The following ARID4B variants were observed in gnomAD, a reference collection of about 807,000 sequenced individuals.
The protein encoded by ARID4B is AT-rich interactive domain-containing protein 4B.
In ARID4B, 26 loss-of-function variants were observed where a neutral mutation model predicts 147.5. That is an observed-to-expected ratio of 0.18 (90% confidence interval 0.13 to 0.24). ARID4B has a LOEUF of 0.24. Ranked by LOEUF, ARID4B falls within the 10% of genes least tolerant of loss-of-function variation. ARID4B has a pLI of 1.00. For synonymous variants in ARID4B, 512 were observed against 507.9 expected, an observed-to-expected ratio of 1.01 and a Z score of -0.11; for missense variants, 1,179 against 1,511.5, an observed-to-expected ratio of 0.78 and a Z score of 3.65.
chr1:235,224,647 G>A (rs181294540), intron 12 of ARID4B, 56 bp downstream of exon 12: 9 of 1,173,652 alleles, frequency 7.7e-6, no homozygotes, highest in Non-Finnish European at 1.1e-5. Flanking sequence ...TTATTTTTAA[G>A]ATACTAATTA....
chr1:235,320,515 C>A (rs192978443), intron 2 of ARID4B, among the ~76,000 whole-genome samples: 49 of 152,262 alleles, frequency 3.2e-4, no homozygotes, highest in Non-Finnish European at 6.3e-4. Context: ...CTTGTGTTCC[C>A]ATGATCTGTT....
intron 2 of ARID4B, among the ~76,000 whole-genome samples, chr1:235,310,193 AG>A (rs1249282450): frequency 6.6e-6 from 1 of 152,220 alleles, no homozygotes; most frequent in African/African-American, 2.4e-5. Flanking sequence ...ATAAAAAAAA[AG>A]AAACAGGGAA....
At chr1:235,289,522 G>A (rs903764345) in intron 2 of ARID4B, among the ~76,000 whole-genome samples, 3 of 151,924 alleles carry the variant, frequency 2.0e-5, no homozygotes, top group Non-Finnish European at 2.9e-5. Flanking sequence ...CCAGGAGTTC[G>A]AGACCAGCCT....
At chr1:235,270,971 G>A (rs1332292692) in intron 2 of ARID4B, among the ~76,000 whole-genome samples, 2 of 152,124 alleles carry the variant, frequency 1.3e-5, no homozygotes, top group Non-Finnish European at 2.9e-5. Context: ...TACTGGCATG[G>A]ATTAGAAGGC....
rs549587210 is a variant in ARID4B, at chr1:235,308,187, C to T, written c.6+18727G>A. 3.4e-5 allele frequency among the ~76,000 whole-genome samples: 5 copies of T among 147,998 alleles called. No homozygotes were observed. In the East Asian group the frequency reaches 6.0e-4, roughly 18 times the overall value. ...TGATCTCAGCTCACTGCAACCTCCG[C>T]CTCCCAGGTTCAGGCACTTCTCCTG... On this transcript the variant is annotated intron_variant, in intron 2 of 23. Coordinates refer to ENST00000264183, the MANE Select transcript of ARID4B (RefSeq NM_016374.6).
chr1:235,259,168 T>C (rs576931467), intron 3 of ARID4B, among the ~76,000 whole-genome samples: 126 of 152,314 alleles, frequency 8.3e-4, no homozygotes, highest in African/African-American at 2.9e-3. Flanking sequence ...GTGCTATCAA[T>C]AGAGGCAGTA....
At chr1:235,239,739 C>T (rs941580062) in intron 8 of ARID4B, among the ~76,000 whole-genome samples, 1 of 151,846 alleles carries the variant, frequency 6.6e-6, no homozygotes, top group Admixed American at 6.6e-5. Flanking sequence ...AAAAAGGCAA[C>T]GTGAGAAAAC....
At chr1:235,292,749 C>A (rs777380184) in intron 2 of ARID4B, among the ~76,000 whole-genome samples, 42 of 151,984 alleles carry the variant, frequency 2.8e-4, no homozygotes, top group Non-Finnish European at 4.0e-4. Flanking sequence ...ATGCATAAAA[C>A]TTGAACTTTA....
At chr1:235,232,853 T>C (rs548195247) in intron 9 of ARID4B, among the ~76,000 whole-genome samples, 1 of 152,254 alleles carries the variant, frequency 6.6e-6, no homozygotes, top group African/African-American at 2.4e-5. Flanking sequence ...TTGTTTTGTT[T>C]TGAGATGGAA....
intron 8 of ARID4B, among the ~76,000 whole-genome samples, chr1:235,236,854 A>ATT (rs1454250770): frequency 2.6e-5 from 1 of 38,010 alleles, no homozygotes; most frequent in African/African-American, 8.5e-5. Context: ...ATATATATAT[A>ATT]TATATATATT....
chr1:235,312,939 C>G (rs1024694877), intron 2 of ARID4B, among the ~76,000 whole-genome samples: 2 of 152,132 alleles, frequency 1.3e-5, no homozygotes, highest in Non-Finnish European at 2.9e-5. Flanking sequence ...CACCACTGCA[C>G]TCCAGCCTGG....
intron 6 of ARID4B, among the ~76,000 whole-genome samples, chr1:235,247,540 C>G (rs199961342): frequency 6.6e-6 from 1 of 152,072 alleles, no homozygotes; most frequent in African/African-American, 2.4e-5. Context: ...AAAAAAGGTA[C>G]TAGCCATAAA....
At chr1:235,184,554 C>T (rs898416616) in intron 19 of ARID4B, among the ~76,000 whole-genome samples, 10 of 152,146 alleles carry the variant, frequency 6.6e-5, no homozygotes, top group African/African-American at 2.2e-4. Flanking sequence ...CTGAGAAATC[C>T]ATGCATGTTC....
intron 17 of ARID4B, among the ~76,000 whole-genome samples, chr1:235,208,776 C>T (rs1474989626): frequency 1.3e-5 from 2 of 152,148 alleles, no homozygotes; most frequent in Non-Finnish European, 2.9e-5. Flanking sequence ...CTCGGCCTCC[C>T]AAAGTGCTGG....
chr1:235,303,972 T>C (rs1673368004), intron 2 of ARID4B, among the ~76,000 whole-genome samples: 1 of 152,244 alleles, frequency 6.6e-6, no homozygotes, highest in South Asian at 2.1e-4. Flanking sequence ...ATGAGTATTT[T>C]ACATGCATCA....
intron 3 of ARID4B, among the ~76,000 whole-genome samples, chr1:235,258,896 T>C (rs1670138506): frequency 6.6e-6 from 1 of 152,188 alleles, no homozygotes. Context: ...ACATAGTAAA[T>C]GTTCAACAAA....
chr1:235,206,891 T>G (rs942968326), intron 17 of ARID4B, among the ~76,000 whole-genome samples: 1 of 152,160 alleles, frequency 6.6e-6, no homozygotes, highest in Non-Finnish European at 1.5e-5. Flanking sequence ...AGCGAAGAAA[T>G]GTCACAGTAG....
chr1:235,182,557 C>G lies in ARID4B; in HGVS notation c.2362G>C (p.Val788Leu). Reference protein sequence around the residue: ...SPERLRKDIEVLSEDTDYEED... With the variant: ...SPERLRKDIELLSEDTDYEED... ...TCATAATCAGTATCTTCGGATAATA[C>G]TTCTATATCTTTCCTTAATCTTTCT... Residue 788 changes from valine to leucine, a missense_variant, in exon 20 of 24, where the codon GTA (valine) becomes CTA (leucine). Around this residue, in one of 10 missense-constraint regions of ARID4B, gnomAD observed 321 missense variants for 342.4 expected, o/e 0.94. Transcript: ENST00000264183. 2 of 1,612,190 alleles carry G rather than the reference C, an allele frequency of 1.2e-6. No individual in the cohort carries two copies. The highest frequency in any genetic ancestry group is 2.2e-5 in the South Asian group (2 of 90,570).
rs1188383052 is a variant in ARID4B, at chr1:235,257,205, A to G, written c.138T>C (p.Ser46=). The G allele has an allele frequency of 3.7e-6, 6 of 1,612,800 alleles. No individual in the cohort carries two copies. The highest frequency in any genetic ancestry group is 5.1e-6 in the Non-Finnish European group (6 of 1,178,996). ...VKVKVTFRHD[S]STVEVQDDHI... is the part of the protein sequence containing the mutation. ...GGTCATCCTGAACTTCCACTGTTGA[A>G]GAATCATGTCTAAATGTCACCTAGA... Residue 46 remains serine (S), a synonymous_variant, in exon 4 of 24, where the codon TCT becomes TCC. Transcript: ENST00000264183.
Sources: allele counts gnomAD v4.1 joint callset (sites outside exome capture counted in the v4.1 genomes callset), GRCh38; gene constraint gnomAD v4.1.1; regional missense constraint gnomAD v4.1.1; transcripts MANE v1.5; gene names NCBI Gene and HGNC (gene_info 2026-07-23, HGNC 2026-07-21).